The following SEC16B variants were observed in gnomAD, a reference collection of about 807,000 sequenced individuals.
The protein encoded by SEC16B is SEC16 homolog B, endoplasmic reticulum export factor, also known as protein transport protein Sec16B.
A neutral mutation model predicts 141.8 loss-of-function variants in SEC16B; 115 were observed. The observed-to-expected ratio is 0.81, with a 90% CI of 0.70 to 0.95. The LOEUF is 0.95. Among genes scored for constraint, SEC16B ranks in the 40% least tolerant of loss-of-function variants. The probability of loss-of-function intolerance (pLI) is 0.00; values close to 1 mark genes in which losing one functional copy is unlikely to be tolerated. For missense variants in SEC16B, 1,291 were observed against 1,312.3 expected, an observed-to-expected ratio of 0.98 and a Z score of 0.25; for synonymous variants, 493 against 492.5, an observed-to-expected ratio of 1.00 and a Z score of -0.01.
At chr1:177,944,534 G>A in intron 15 of SEC16B, 27 bp downstream of exon 15, 1 of 1,570,496 alleles carries the variant, frequency 6.4e-7, no homozygotes, top group Non-Finnish European at 8.7e-7. Flanking sequence ...GACAGTGACG[G>A]TGGTGGCCTC....
At chr1:177,942,117 T>G in intron 15 of SEC16B, 77 bp from the exon 16 acceptor site, 1 of 1,449,700 alleles carries the variant, frequency 6.9e-7, no homozygotes, top group Non-Finnish European at 9.2e-7. Context: ...TAAGACTTCT[T>G]GGAAGTCAGC....
chr1:177,936,183 G>T lies in SEC16B; in HGVS notation c.2571+115C>A. 3.8e-6 allele frequency: 3 copies of T among 793,834 alleles called. No individual in the cohort carries two copies. In the South Asian group the frequency reaches 4.9e-5, roughly 13 times the overall value. 49.2% of individuals were successfully genotyped at this position (793,834 alleles called of 1,614,324 possible). ...AAAAGGCAAGGCGAGATGTGGAAGA[G>T]AAAGCTGCTGCAACACTGAGGAGGA... On this transcript the variant is annotated intron_variant, in intron 20 of 25. Coordinates refer to ENST00000308284, the MANE Select transcript of SEC16B (RefSeq NM_033127.4).
chr1:177,937,926 T>C (rs1474993231), intron 18 of SEC16B, among the ~76,000 whole-genome samples: 1 of 152,022 alleles, frequency 6.6e-6, no homozygotes. Flanking sequence ...AAAACAGAGA[T>C]CTTAAGACTA....
At chr1:177,971,872 A>G (rs1356014513), upstream of SEC16B, among the ~76,000 whole-genome samples, 3 of 152,200 alleles carry the variant, frequency 2.0e-5, no homozygotes, top group African/African-American at 7.2e-5. Flanking sequence ...TTGTTAAACC[A>G]TGGAAAACTT....
chr1:177,956,889 T>C (rs1010807782), intron 10 of SEC16B, among the ~76,000 whole-genome samples: 1 of 152,202 alleles, frequency 6.6e-6, no homozygotes, highest in African/African-American at 2.4e-5. Context: ...ATGGTAAACA[T>C]TCTGAGCACA....
intron 15 of SEC16B, among the ~76,000 whole-genome samples, chr1:177,942,325 AG>A (rs1557972292): frequency 6.6e-6 from 1 of 152,232 alleles, no homozygotes; most frequent in Non-Finnish European, 1.5e-5. Context: ...TTTATTGGGT[AG>A]CCCCACATAT....
At chr1:177,955,722 T>C (rs1652550297) in intron 10 of SEC16B, among the ~76,000 whole-genome samples, 1 of 152,250 alleles carries the variant, frequency 6.6e-6, no homozygotes, top group Non-Finnish European at 1.5e-5. Flanking sequence ...GGCACTCTTT[T>C]GCATTGCTGG....
At position 177,965,887 on chromosome 1, in the gene SEC16B, C is replaced by A; in HGVS notation, c.412+6G>T. ...TCCCAGAGGCTTCTTGGAGACTTTT[C>A]CATACCTCTTTCTTCCTGCAGCCAC... On this transcript the variant is annotated splice_donor_region_variant and intron_variant, in intron 3 of 25. Coordinates refer to ENST00000308284, the MANE Select transcript of SEC16B (RefSeq NM_033127.4). The A allele has an allele frequency of 6.4e-7, 1 of 1,552,846 alleles. No homozygotes were observed. The highest frequency in any genetic ancestry group is 8.8e-7 in the Non-Finnish European group (1 of 1,139,118).
At position 177,958,130 on chromosome 1, in the gene SEC16B, G is replaced by A. The variant is rs777200784; in HGVS notation, c.1365+2C>T. The A allele has an allele frequency of 6.7e-7, 1 of 1,493,558 alleles. No homozygotes were observed. The highest frequency in any genetic ancestry group is 1.5e-5 in the South Asian group (1 of 68,336). 92.5% of individuals were successfully genotyped at this position (1,493,558 alleles called of 1,614,324 possible). A position where few individuals can be genotyped will look rare whatever the true frequency, so the allele number is the denominator to read the frequency against. On this transcript the variant is annotated splice_donor_variant, in intron 10 of 25. Coordinates refer to ENST00000308284, the MANE Select transcript of SEC16B (RefSeq NM_033127.4). LOFTEE classifies it low-confidence loss of function (GC_TO_GT_DONOR). ...ATAAGTATGGGGGAAGGGCATACTT[G>A]CCTTCTTCCTTCCATAGTAGAGCAG... is the stretch of plus-strand genomic sequence containing the variant.
chr1:177,961,501 T>C, intron 6 of SEC16B, 89 bp downstream of exon 6: 1 of 1,384,108 alleles, frequency 7.2e-7, no homozygotes. Context: ...TGGACAATGA[T>C]CCATCGTAAG....
intron 15 of SEC16B, 23 bp from the exon 16 acceptor site, chr1:177,942,063 G>C: frequency 6.2e-7 from 1 of 1,602,268 alleles, no homozygotes; most frequent in Non-Finnish European, 8.5e-7. Context: ...AAGAGTCAGT[G>C]ACTAGTCCAT....
intron 10 of SEC16B, among the ~76,000 whole-genome samples, chr1:177,955,608 C>T (rs1398553769): frequency 1.3e-5 from 2 of 152,076 alleles, no homozygotes; most frequent in Non-Finnish European, 2.9e-5. Flanking sequence ...TCCCAAAGTG[C>T]TGGGATTACA....
At position 177,933,534 on chromosome 1, in the gene SEC16B, G is replaced by A. The variant is rs901203307; in HGVS notation, c.2674C>T (p.Arg892Ter). The change falls in exon 21 of 26, where the codon CGA becomes TGA. Residue 892 changes from arginine (R) to a stop codon, truncating the protein, a stop_gained. Coordinates refer to ENST00000308284, the MANE Select transcript of SEC16B (RefSeq NM_033127.4). LOFTEE classifies it high-confidence loss of function. Reference protein sequence around the residue: ...SSDEADKNSPRNTAQRGKLGD... With the variant: ...SSDEADKNSP ...AGCTTGCCTCTCTGGGCAGTATTTC[G>A]GGGAGAGTTTTTATCAGCCTCATCA... The A allele has an allele frequency of 1.2e-5, 19 of 1,613,766 alleles. No individual in the cohort carries two copies. The highest frequency in any genetic ancestry group is 5.3e-5 in the African/African-American group (4 of 74,922).
At chr1:177,930,676 T>C (rs761862223) in intron 24 of SEC16B, 33 bp from the exon 25 acceptor site, 1 of 1,503,412 alleles carries the variant, frequency 6.7e-7, no homozygotes, top group South Asian at 1.1e-5. Context: ...ATCCCATCAG[T>C]GCCTGCCTCC....
intron 17 of SEC16B, 84 bp from the exon 18 acceptor site, chr1:177,939,861 C>A: frequency 1.8e-6 from 2 of 1,108,300 alleles, no homozygotes; most frequent in Non-Finnish European, 2.6e-6. Flanking sequence ...AAACTTAAGC[C>A]AAAAAGAAAC....
At chr1:177,949,378 T>G (rs1221009814) in intron 12 of SEC16B, among the ~76,000 whole-genome samples, 1 of 120,254 alleles carries the variant, frequency 8.3e-6, no homozygotes, top group East Asian at 2.5e-4. Flanking sequence ...GGAAATCCCT[T>G]GCTAAACACA....
chr1:177,967,908 C>T lies in SEC16B; in HGVS notation c.74G>A (p.Arg25Gln), dbSNP rs376159757. 35 of 1,613,858 alleles carry T rather than the reference C, an allele frequency of 2.2e-5. No homozygotes were observed. The highest frequency in any genetic ancestry group is 3.3e-4 in the Middle Eastern group (2 of 6,084). The stretch of plus-strand genomic sequence containing the variant: ...ATGATGTCCATCTCTCCGAAACCCT[C>T]GGTCTGGATCCTTTGAGGGTGCTGT... ...KATAPSKDPD[R>Q]GFRRDGHHRP... Residue 25 changes from arginine to glutamine, a missense_variant, in exon 2 of 26, where the codon CGA becomes CAA. By Grantham distance (43) the Arg-to-Gln change is conservative (BLOSUM62 1). This residue lies in a region of SEC16B where 681 missense variants were observed against 675.5 expected (regional missense o/e 1.01). Coordinates refer to ENST00000308284, the MANE Select transcript of SEC16B (RefSeq NM_033127.4).
chr1:177,953,913 C>T (rs184715432), intron 11 of SEC16B, among the ~76,000 whole-genome samples: 3 of 152,230 alleles, frequency 2.0e-5, no homozygotes, highest in African/African-American at 7.2e-5. Flanking sequence ...TAGACAACTG[C>T]TTACGTCAAA....
chr1:177,983,276 T>A (rs1654496770), intron 1 of SEC16B, among the ~76,000 whole-genome samples: 1 of 152,136 alleles, frequency 6.6e-6, no homozygotes, highest in South Asian at 2.1e-4. Context: ...AGGATCCGAA[T>A]CCAGGTCCCC....
Sources: gnomAD v4.1 joint callset for allele counts (sites outside exome capture counted in the v4.1 genomes callset) on GRCh38, gnomAD v4.1.1 for gene constraint, gnomAD v4.1.1 regional missense constraint, MANE v1.5 for transcripts, NCBI Gene and HGNC (gene_info 2026-07-23, HGNC 2026-07-21) for gene names.